The following CTNNA3 variants were observed in gnomAD, a reference collection of about 807,000 sequenced individuals.
The protein encoded by CTNNA3 is catenin alpha-3.
CTNNA3 carries 76 observed loss-of-function variants against 95.7 expected under a neutral mutation model. That is an observed-to-expected ratio of 0.79 (90% CI 0.66 to 0.96). The LOEUF (loss-of-function observed/expected upper bound fraction) is 0.96, where lower values mean the gene tolerates loss of function less well. CTNNA3 is among the 40% of genes least tolerant of loss of function. The pLI is 0.00. For synonymous variants in CTNNA3, 431 were observed against 374.4 expected (o/e 1.15, Z -1.74); for missense variants, 1,191 against 1,089.8 (o/e 1.09, Z -1.31).
chr10:67,459,371 G>C (rs1198316598), intron 5 of CTNNA3, among the ~76,000 whole-genome samples: 1 of 152,160 alleles, frequency 6.6e-6, no homozygotes, highest in African/African-American at 2.4e-5. Context: ...GATGGGGTAG[G>C]ATAATATCAG....
At chr10:66,752,975 T>C (rs1216387668) in intron 9 of CTNNA3, among the ~76,000 whole-genome samples, 1 of 152,144 alleles carries the variant, frequency 6.6e-6, no homozygotes, top group Non-Finnish European at 1.5e-5. Flanking sequence ...ATGTATTACT[T>C]TTTATATAGA....
At chr10:66,813,996 T>C (rs1841981727) in intron 7 of CTNNA3, among the ~76,000 whole-genome samples, 1 of 152,072 alleles carries the variant, frequency 6.6e-6, no homozygotes, top group Admixed American at 6.6e-5. Flanking sequence ...ATGTGTAGTA[T>C]AGATTGTAGA....
At chr10:67,722,791 G>C (rs1218285669) in intron 1 of CTNNA3, among the ~76,000 whole-genome samples, 1 of 151,932 alleles carries the variant, frequency 6.6e-6, no homozygotes, top group Non-Finnish European at 1.5e-5. Flanking sequence ...CATAAATTAA[G>C]CTTATATTTT....
At chr10:66,168,307 T>C (rs1763773139) in intron 13 of CTNNA3, among the ~76,000 whole-genome samples, 2 of 152,150 alleles carry the variant, frequency 1.3e-5, no homozygotes, top group South Asian at 2.1e-4. Flanking sequence ...CCGTTTCTAG[T>C]AGGCCACTGA....
At chr10:66,222,391 A>G (rs2088981007) in intron 13 of CTNNA3, among the ~76,000 whole-genome samples, 1 of 152,180 alleles carries the variant, frequency 6.6e-6, no homozygotes, top group South Asian at 2.1e-4. Context: ...ATTAGCTTCA[A>G]TATTGTTTAA....
intron 5 of CTNNA3, among the ~76,000 whole-genome samples, chr10:67,245,804 G>T (rs1865882000): frequency 6.8e-6 from 1 of 147,758 alleles, no homozygotes; most frequent in Non-Finnish European, 1.5e-5. Flanking sequence ...GCAGTGAGCC[G>T]AGATTGCACC....
In CTNNA3 at chr10:65,920,624, GGAAAAAAGA is replaced by G. The variant is rs1420265655; in HGVS notation, c.2401-16_2401-8del. On this transcript the variant is annotated splice_polypyrimidine_tract_variant and splice_region_variant and intron_variant, in intron 17 of 17. Transcript: ENST00000433211. ...GGGATGTGACACTGTCCAACTGTAG[GGAAAAAAGA>G]GAAAAAAGAGCTATTATTCCAGGAG... The G allele has an allele frequency of 6.3e-7, 1 of 1,595,574 alleles. No individual in the cohort carries two copies. The highest frequency in any genetic ancestry group is 1.4e-5 in the African/African-American group (1 of 73,760).
chr10:66,306,207 A>G (rs775782603), intron 12 of CTNNA3, among the ~76,000 whole-genome samples: 7 of 152,244 alleles, frequency 4.6e-5, no homozygotes, highest in Non-Finnish European at 1.0e-4. Flanking sequence ...ACAGACCACA[A>G]AACTGGCCAT....
chr10:67,207,096 A>G (rs948829639), intron 6 of CTNNA3, among the ~76,000 whole-genome samples: 1 of 152,196 alleles, frequency 6.6e-6, no homozygotes, highest in African/African-American at 2.4e-5. Flanking sequence ...GCACCATTGC[A>G]CTCCAGCCTG....
At chr10:66,582,105 T>C (rs188521343) in intron 10 of CTNNA3, among the ~76,000 whole-genome samples, 1 of 151,882 alleles carries the variant, frequency 6.6e-6, no homozygotes, top group East Asian at 1.9e-4. Flanking sequence ...TCTTTTCGTT[T>C]AGGTTGCTTT....
intron 17 of CTNNA3, among the ~76,000 whole-genome samples, chr10:65,963,053 C>G (rs958322323): frequency 3.3e-5 from 5 of 152,114 alleles, no homozygotes. Flanking sequence ...CTAAATAGGT[C>G]TCAATCCTTT....
intron 13 of CTNNA3, among the ~76,000 whole-genome samples, chr10:66,247,283 G>T (rs983382641): frequency 6.6e-6 from 1 of 152,074 alleles, no homozygotes; most frequent in African/African-American, 2.4e-5. Flanking sequence ...AATAGAACAT[G>T]TGGTAGATTT....
chr10:66,528,388 A>T (rs995808709), intron 10 of CTNNA3, among the ~76,000 whole-genome samples: 7 of 152,010 alleles, frequency 4.6e-5, no homozygotes, highest in Admixed American at 1.3e-4. Context: ...ACCTTGGGAA[A>T]CCCTTGAACA....
intron 3 of CTNNA3, among the ~76,000 whole-genome samples, chr10:67,590,132 T>C (rs1842748495): frequency 1.3e-5 from 2 of 152,114 alleles, no homozygotes; most frequent in Admixed American, 1.3e-4. Flanking sequence ...CAATACTCTG[T>C]TCTTTGCAAT....
At chr10:67,475,836 A>G (rs1589331153) in intron 5 of CTNNA3, among the ~76,000 whole-genome samples, 1 of 152,204 alleles carries the variant, frequency 6.6e-6, no homozygotes, top group African/African-American at 2.4e-5. Flanking sequence ...AGAAGTTTGG[A>G]TTTAATCTGA....
intron 12 of CTNNA3, among the ~76,000 whole-genome samples, chr10:66,305,912 T>G (rs10822801): frequency 0.29 from 44,773 of 152,120 alleles, 7,331 homozygotes; most frequent in African/African-American, 0.43. Context: ...ATTATTCTGG[T>G]CTATAAATCT....
At chr10:67,423,597 T>A (rs1845820768) in intron 5 of CTNNA3, among the ~76,000 whole-genome samples, 1 of 152,140 alleles carries the variant, frequency 6.6e-6, no homozygotes, top group Non-Finnish European at 1.5e-5. Flanking sequence ...AAATTCAAAA[T>A]GAGAACTAGA....
intron 10 of CTNNA3, among the ~76,000 whole-genome samples, chr10:66,525,748 C>G (rs1841234340): frequency 6.6e-6 from 1 of 152,142 alleles, no homozygotes; most frequent in Non-Finnish European, 1.5e-5. Flanking sequence ...AACTATCCAT[C>G]TCCAGAACTT....
intron 7 of CTNNA3, among the ~76,000 whole-genome samples, chr10:66,819,498 T>C (rs987458081): frequency 6.6e-6 from 1 of 151,980 alleles, no homozygotes; most frequent in South Asian, 2.1e-4. Flanking sequence ...CTGGACTTCA[T>C]CAAAATGAAG....
Sources: gnomAD v4.1 joint callset for allele counts (sites outside exome capture counted in the v4.1 genomes callset) on GRCh38, gnomAD v4.1.1 for gene constraint, MANE v1.5 for transcripts, NCBI Gene and HGNC (gene_info 2026-07-23, HGNC 2026-07-21) for gene names.